The following TMEM132E variants were observed in gnomAD, a reference collection of about 807,000 sequenced individuals.
The protein encoded by TMEM132E is transmembrane protein 132E.
TMEM132E carries 49 observed loss-of-function variants against 78.5 expected under a neutral mutation model. The observed-to-expected ratio is 0.62, with a 90% CI of 0.50 to 0.79. The LOEUF is 0.79. Ranked by LOEUF, TMEM132E falls within the 30% of genes least tolerant of loss-of-function variation. The pLI is 0.00. For missense variants in TMEM132E, 1,403 were observed against 1,470.9 expected (o/e 0.95, Z 0.75); for synonymous variants, 715 against 670.6 (o/e 1.07, Z -1.02).
chr17:34,633,277 T>A (rs939040592), intron 6 of TMEM132E, among the ~76,000 whole-genome samples: 2 of 152,206 alleles, frequency 1.3e-5, no homozygotes, highest in Admixed American at 1.3e-4. Flanking sequence ...AAGAGACAAC[T>A]CTTGAGCTAA....
chr17:34,638,569 G>A lies in TMEM132E; in HGVS notation c.*337G>A, dbSNP rs1023605497. On this transcript the variant is annotated 3_prime_UTR_variant, in exon 9 of 9. Coordinates refer to ENST00000631683, the MANE Select transcript of TMEM132E (RefSeq NM_001304438.2). ...GAGTGAGGCAAGGAGGTCCAGCTTG[G>A]GGTCAGGTGGGCCCACGCTGTGTCC... The A allele has an allele frequency of 1.6e-5, 4 of 247,068 alleles. No individual in the cohort carries two copies. The Admixed American group carries it at 2.0e-4, about 13-fold the overall frequency. The allele number at this position is 247,068 out of a possible 1,614,324, so 15.3% of individuals were successfully genotyped here.
rs1378890817 is a variant in TMEM132E at position 34,625,980 on chromosome 17, C to T, written c.68-147C>T. The T allele has an allele frequency of 1.1e-5, 8 of 743,158 alleles. No individual in the cohort carries two copies. In the Admixed American group the frequency reaches 1.9e-4, roughly 18 times the overall value. The allele number at this position is 743,158 out of a possible 1,614,324, so 46.0% of individuals were successfully genotyped here. Reference sequence around the variant, plus strand: ...GGCCTGAGCCAGGGTTGGGGCCCACCGGAGGATGGACAGCCAGGCTGAACC... The same window carrying T: ...GGCCTGAGCCAGGGTTGGGGCCCACTGGAGGATGGACAGCCAGGCTGAACC... On this transcript the variant is annotated intron_variant, in intron 1 of 8. Transcript: ENST00000631683.
At chr17:34,629,327 C>T in intron 4 of TMEM132E, 123 bp downstream of exon 4, 1 of 1,092,310 alleles carries the variant, frequency 9.2e-7, no homozygotes, top group Non-Finnish European at 1.3e-6. Context: ...TGTGAGACTT[C>T]CTGCCATGCC....
intron 1 of TMEM132E, among the ~76,000 whole-genome samples, chr17:34,613,336 A>G (rs1906672663): frequency 6.6e-6 from 1 of 151,774 alleles, no homozygotes; most frequent in Non-Finnish European, 1.5e-5. Flanking sequence ...GATAATGCAC[A>G]TTAGTCATTT....
At chr17:34,627,812 C>T (rs1338022098) in intron 2 of TMEM132E, among the ~76,000 whole-genome samples, 2 of 152,138 alleles carry the variant, frequency 1.3e-5, no homozygotes, top group African/African-American at 4.8e-5. Context: ...GTCCTACCTT[C>T]AAGTTTAAAT....
At chr17:34,633,721 G>A (rs1907425410) in intron 6 of TMEM132E, among the ~76,000 whole-genome samples, 1 of 152,236 alleles carries the variant, frequency 6.6e-6, no homozygotes, top group African/African-American at 2.4e-5. Context: ...AAGGTGTGTA[G>A]ACCAGTGCCT....
At chr17:34,622,680 G>A (rs1291865870) in intron 1 of TMEM132E, among the ~76,000 whole-genome samples, 3 of 152,170 alleles carry the variant, frequency 2.0e-5, no homozygotes, top group Non-Finnish European at 4.4e-5. Context: ...AGTCACTGCC[G>A]GGCTGCTTAT....
At position 34,626,454 on chromosome 17, in the gene TMEM132E, G is replaced by A. The variant is rs372929322; in HGVS notation, c.395G>A (p.Arg132His). ...TGGAAGGTGCGGGCCTTCATCGTCC[G>A]CTCGCACGTGCCCGCCTCGCAGCCC... The part of the protein sequence containing the change: ...VNWKVRAFIV[R>H]SHVPASQPVV... The change falls in exon 2 of 9, where the codon CGC becomes CAC. Residue 132 changes from arginine (R) to histidine (H), a missense_variant. By Grantham distance (29) the Arg-to-His change is conservative. Coordinates refer to ENST00000631683, the MANE Select transcript of TMEM132E (RefSeq NM_001304438.2). 3.7e-6 allele frequency: 6 copies of A among 1,612,922 alleles called. No individual in the cohort carries two copies. The South Asian group carries it at 4.4e-5, about 12-fold the overall frequency.
intron 1 of TMEM132E, among the ~76,000 whole-genome samples, chr17:34,585,554 G>A (rs1368315103): frequency 2.0e-5 from 3 of 152,170 alleles, no homozygotes; most frequent in Non-Finnish European, 2.9e-5. Flanking sequence ...GGACACACAG[G>A]GAAGGGACTG....
intron 1 of TMEM132E, among the ~76,000 whole-genome samples, chr17:34,591,703 C>T (rs1013880329): frequency 9.2e-5 from 14 of 152,360 alleles, no homozygotes; most frequent in Middle Eastern, 3.4e-3. Flanking sequence ...ACACAGGTGT[C>T]ACTGTCAGCA....
intron 1 of TMEM132E, among the ~76,000 whole-genome samples, chr17:34,583,546 C>G (rs879060749): frequency 6.6e-6 from 1 of 152,234 alleles, no homozygotes; most frequent in Admixed American, 6.5e-5. Flanking sequence ...GGTCCGGGGA[C>G]TTAGTCTCCC....
At chr17:34,619,026 A>G (rs1425388192) in intron 1 of TMEM132E, among the ~76,000 whole-genome samples, 1 of 152,196 alleles carries the variant, frequency 6.6e-6, no homozygotes, top group Non-Finnish European at 1.5e-5. Context: ...CCCCAGGGCC[A>G]GTCCGTCCTA....
intron 1 of TMEM132E, among the ~76,000 whole-genome samples, chr17:34,611,655 G>A (rs551583263): frequency 3.5e-4 from 54 of 152,306 alleles, no homozygotes; most frequent in South Asian, 1.9e-3. Flanking sequence ...GGGACGTCAC[G>A]TGCGAGCCAG....
chr17:34,627,505 T>TGTGTG (rs59547151), intron 2 of TMEM132E, among the ~76,000 whole-genome samples: 14 of 148,952 alleles, frequency 9.4e-5, no homozygotes, highest in Non-Finnish European at 1.5e-4. Flanking sequence ...TGTGTGTGTG[T>TGTGTG]TTTGGGACAT....
intron 3 of TMEM132E, 40 bp from the exon 4 acceptor site, chr17:34,628,972 C>T: frequency 6.6e-7 from 1 of 1,520,150 alleles, no homozygotes; most frequent in Non-Finnish European, 8.8e-7. Context: ...TGCTCCCAGC[C>T]CTTCATCCTC....
intron 1 of TMEM132E, among the ~76,000 whole-genome samples, chr17:34,619,312 G>A (rs548763872): frequency 2.3e-3 from 355 of 151,680 alleles, no homozygotes; most frequent in Middle Eastern, 6.8e-3. Context: ...GTTATGCTGC[G>A]CAAGTCACAG....
rs11080288 is a variant in TMEM132E at position 34,638,266 on chromosome 17, C to T, written c.*34C>T. 81 of 1,463,400 alleles carry T rather than the reference C, an allele frequency of 5.5e-5. No individual in the cohort carries two copies. Among genetic ancestry groups the T allele is most frequent in the Non-Finnish European group, 6.1e-5 (67 of 1,103,720 alleles). The allele number at this position is 1,463,400 out of a possible 1,614,324, so 90.7% of individuals were successfully genotyped here. On this transcript the variant is annotated 3_prime_UTR_variant, in exon 9 of 9. Coordinates refer to ENST00000631683, the MANE Select transcript of TMEM132E (RefSeq NM_001304438.2). ...GCCGGAGTAGCAGGGACCCCCCCCC[C>T]CAACGGGGTCAGCTCGGGGTAGGAC...
chr17:34,589,823 G>C (rs928883991), intron 1 of TMEM132E, among the ~76,000 whole-genome samples: 1 of 152,142 alleles, frequency 6.6e-6, no homozygotes, highest in East Asian at 1.9e-4. Flanking sequence ...TGACCACATT[G>C]TCCCCTGCCC....
At chr17:34,598,545 G>A (rs1174758443) in intron 1 of TMEM132E, among the ~76,000 whole-genome samples, 2 of 152,024 alleles carry the variant, frequency 1.3e-5, no homozygotes, top group Non-Finnish European at 2.9e-5. Flanking sequence ...GCAGAGGCGG[G>A]GCCTACCCAG....
Sources: gnomAD v4.1 joint callset for allele counts (sites outside exome capture counted in the v4.1 genomes callset) on GRCh38, gnomAD v4.1.1 for gene constraint, MANE v1.5 for transcripts, NCBI Gene and HGNC (gene_info 2026-07-23, HGNC 2026-07-21) for gene names.